Variants in DCLK2 observed in about 807,000 individuals in gnomAD.
DCLK2 encodes doublecortin like kinase 2, also known as serine/threonine-protein kinase DCLK2.
DCLK2 carries 31 observed loss-of-function variants against 78.4 expected under a neutral mutation model. The observed-to-expected ratio is 0.40, with a 90% CI of 0.30 to 0.53. DCLK2 has a LOEUF of 0.53. Among genes scored for constraint, DCLK2 ranks in the 20% least tolerant of loss-of-function variants. The probability of loss-of-function intolerance (pLI) is 0.61; values close to 1 mark genes in which losing one functional copy is unlikely to be tolerated. For synonymous variants in DCLK2, 407 were observed against 374.9 expected, an observed-to-expected ratio of 1.09 and a Z score of -0.99; for missense variants, 872 against 973.7, an observed-to-expected ratio of 0.90 and a Z score of 1.39.
chr4:150,251,654 C>G (rs1357310897), intron 15 of DCLK2, among the ~76,000 whole-genome samples: 3 of 50,544 alleles, frequency 5.9e-5, no homozygotes, highest in East Asian at 5.4e-4. Context: ...CCCGCCCCCA[C>G]GAGCGTGCAG....
chr4:150,118,496 A>T (rs1732272527), intron 2 of DCLK2, among the ~76,000 whole-genome samples: 1 of 152,160 alleles, frequency 6.6e-6, no homozygotes, highest in South Asian at 2.1e-4. Flanking sequence ...TACAGAAAAA[A>T]ATCTTTCAAT....
intron 15 of DCLK2, chr4:150,253,190 C>T (rs375136446): frequency 2.0e-6 from 1 of 496,084 alleles, no homozygotes; most frequent in Non-Finnish European, 4.1e-6. Context: ...TTAAAAATAA[C>T]CTCAAAATGA....
intron 2 of DCLK2, among the ~76,000 whole-genome samples, chr4:150,122,939 G>T (rs894674091): frequency 6.6e-6 from 1 of 152,220 alleles, no homozygotes. Context: ...TTCTGTGCCC[G>T]CATCAGGTAA....
intron 2 of DCLK2, among the ~76,000 whole-genome samples, chr4:150,132,592 CTT>C (rs35060471): frequency 1.4e-4 from 21 of 151,552 alleles, no homozygotes; most frequent in African/African-American, 5.1e-4. Context: ...TTGTTCACAA[CTT>C]TTTTTTTAAA....
At chr4:150,218,246 T>C (rs967938727) in intron 5 of DCLK2, among the ~76,000 whole-genome samples, 14 of 152,118 alleles carry the variant, frequency 9.2e-5, no homozygotes, top group South Asian at 2.1e-4. Flanking sequence ...TCCCAACATA[T>C]GCCAGGTTTG....
chr4:150,175,011 A>AAAATATATATATATATAT (rs1454035697), intron 2 of DCLK2, among the ~76,000 whole-genome samples: 1 of 9,976 alleles, frequency 1.0e-4, no homozygotes, highest in African/African-American at 2.6e-4. Context: ...AAAAAAAAAA[A>AAAATATATATATATATAT]ATATATATAT....
At chr4:150,227,931 T>A (rs562967981) in intron 8 of DCLK2, among the ~76,000 whole-genome samples, 29 of 152,292 alleles carry the variant, frequency 1.9e-4, no homozygotes, top group African/African-American at 5.8e-4. Flanking sequence ...ACCTAAAAAT[T>A]ACTCTCTTCA....
intron 7 of DCLK2, 34 bp downstream of exon 7, chr4:150,221,819 G>A (rs757667201): frequency 7.6e-7 from 1 of 1,308,098 alleles, no homozygotes; most frequent in Non-Finnish European, 1.1e-6. Context: ...AATGAATAAT[G>A]AAAATGATAA....
At chr4:150,105,387 G>A (rs1280252235) in intron 2 of DCLK2, among the ~76,000 whole-genome samples, 20 of 151,312 alleles carry the variant, frequency 1.3e-4, no homozygotes, top group Admixed American at 1.3e-3. Flanking sequence ...CAGAATTAGT[G>A]AACATTAAAA....
chr4:150,111,571 GC>G (rs201663534), intron 2 of DCLK2, among the ~76,000 whole-genome samples: 57,190 of 151,548 alleles, frequency 0.38, 10,947 homozygotes, highest in Non-Finnish European at 0.42. Context: ...GTCCAGAAGA[GC>G]TTTTCCCTAG....
chr4:150,213,562 C>CAT (rs1248249923), intron 5 of DCLK2, among the ~76,000 whole-genome samples: 2 of 151,552 alleles, frequency 1.3e-5, no homozygotes, highest in African/African-American at 2.4e-5. Context: ...ACAAAAATGC[C>CAT]AATGATGCAA....
intron 2 of DCLK2, among the ~76,000 whole-genome samples, chr4:150,139,626 A>G (rs777919209): frequency 6.6e-6 from 1 of 152,238 alleles, no homozygotes; most frequent in Admixed American, 6.5e-5. Flanking sequence ...CTGAAGCCTG[A>G]AAGGGTCCTT....
chr4:150,147,554 G>T (rs1361544529), intron 2 of DCLK2, among the ~76,000 whole-genome samples: 2 of 152,162 alleles, frequency 1.3e-5, no homozygotes, highest in Non-Finnish European at 2.9e-5. Context: ...CATGTACCTG[G>T]TGCTTGCTGG....
intron 2 of DCLK2, among the ~76,000 whole-genome samples, chr4:150,156,384 C>A (rs946928478): frequency 6.6e-6 from 1 of 151,948 alleles, no homozygotes; most frequent in Admixed American, 6.6e-5. Context: ...TTGTGGCTCA[C>A]GCCTATAATC....
At chr4:150,105,311 T>A (rs1190279891) in intron 2 of DCLK2, among the ~76,000 whole-genome samples, 4 of 152,092 alleles carry the variant, frequency 2.6e-5, no homozygotes, top group African/African-American at 9.7e-5. Flanking sequence ...AGTTTAGTAA[T>A]TTAATATGAA....
At chr4:150,188,566 C>A (rs1738132027) in intron 2 of DCLK2, among the ~76,000 whole-genome samples, 1 of 152,044 alleles carries the variant, frequency 6.6e-6, no homozygotes, top group African/African-American at 2.4e-5. Flanking sequence ...GTTTGGGAAT[C>A]CAAACTTAAA....
chr4:150,207,456 T>C (rs967266807), intron 5 of DCLK2, among the ~76,000 whole-genome samples: 3 of 152,204 alleles, frequency 2.0e-5, no homozygotes, highest in African/African-American at 7.2e-5. Flanking sequence ...TAATCTCTGA[T>C]CATGGATTGT....
At chr4:150,150,670 G>A (rs1002696346) in intron 2 of DCLK2, among the ~76,000 whole-genome samples, 3 of 152,184 alleles carry the variant, frequency 2.0e-5, no homozygotes, top group Admixed American at 2.0e-4. Context: ...CTCTTGCAGA[G>A]TAATAGCACT....
At chr4:150,109,705 G>T (rs936241992) in intron 2 of DCLK2, among the ~76,000 whole-genome samples, 1 of 152,214 alleles carries the variant, frequency 6.6e-6, no homozygotes, top group Non-Finnish European at 1.5e-5. Context: ...ATTCGCACTT[G>T]CAAAGTGTGG....
Sources: gnomAD v4.1 joint callset for allele counts (sites outside exome capture counted in the v4.1 genomes callset) on GRCh38, gnomAD v4.1.1 for gene constraint, MANE v1.5 for transcripts, NCBI Gene and HGNC (gene_info 2026-07-23, HGNC 2026-07-21) for gene names.